The following SLC1A2 variants were observed in gnomAD, a reference collection of about 807,000 sequenced individuals.
SLC1A2 encodes excitatory amino acid transporter 2.
A neutral mutation model predicts 48.8 loss-of-function variants in SLC1A2; 15 were observed. The ratio of observed to expected loss-of-function variants is 0.31; its 90% CI spans 0.21 to 0.47. The LOEUF is 0.47. Ranked by LOEUF, SLC1A2 falls within the 20% of genes least tolerant of loss-of-function variation. The pLI, the probability that SLC1A2 is intolerant of heterozygous loss-of-function variation, is 0.99. For missense variants in SLC1A2, 502 were observed against 730.5 expected, an observed-to-expected ratio of 0.69 and a Z score of 3.61; for synonymous variants, 279 against 272.6, an observed-to-expected ratio of 1.02 and a Z score of -0.23.
At chr11:35,283,028 A>G (rs1185443495) in intron 8 of SLC1A2, among the ~76,000 whole-genome samples, 1 of 145,684 alleles carries the variant, frequency 6.9e-6, no homozygotes, top group Non-Finnish European at 1.5e-5. Flanking sequence ...TAGACACACA[A>G]TATCAGAGCA....
chr11:35,292,103 C>T (rs1851028351), intron 7 of SLC1A2, 184 bp downstream of exon 7: 8 of 591,014 alleles, frequency 1.4e-5, no homozygotes, highest in South Asian at 2.3e-5. Flanking sequence ...AAATGTTCAC[C>T]AGAAGGCTCA....
At chr11:35,385,590 C>T (rs934767619) in intron 1 of SLC1A2, among the ~76,000 whole-genome samples, 26 of 152,190 alleles carry the variant, frequency 1.7e-4, no homozygotes, top group Non-Finnish European at 2.2e-4. Context: ...TCTCAGAATA[C>T]CAATTCCACA....
At chr11:35,318,959 C>G (rs1049601665) in intron 1 of SLC1A2, among the ~76,000 whole-genome samples, 5 of 152,124 alleles carry the variant, frequency 3.3e-5, no homozygotes, top group African/African-American at 1.2e-4. Context: ...ACTTGCTACC[C>G]AAATGTTTTA....
At chr11:35,380,941 T>C (rs955261638) in intron 1 of SLC1A2, among the ~76,000 whole-genome samples, 1 of 152,108 alleles carries the variant, frequency 6.6e-6, no homozygotes, top group Non-Finnish European at 1.5e-5. Context: ...CTGACAAAAT[T>C]ACACGTAGTG....
chr11:35,353,294 G>A lies in SLC1A2; in HGVS notation c.18-35778C>T, dbSNP rs370119601. Among the ~76,000 whole-genome samples, 178 of 152,160 alleles carry A rather than the reference G, an allele frequency of 1.2e-3. 1 individual carries two copies. Among genetic ancestry groups the A allele is most frequent in the African/African-American group, 4.1e-3 (169 of 41,502 alleles). On this transcript the variant is annotated intron_variant, in intron 1 of 10. Transcript: ENST00000278379. ...TCTTAAGGTTTCCACTCCCCTAACC[G>A]TTCATACAAATGCACAGAAGCAATG... is the stretch of plus-strand genomic sequence containing the variant.
chr11:35,315,071 T>A lies in SLC1A2; in HGVS notation c.262A>T (p.Met88Leu). 6.2e-7 allele frequency: 1 copy of A among 1,613,192 alleles called. No homozygotes were observed. Among genetic ancestry groups the A allele is most frequent in the South Asian group, 1.1e-5 (1 of 91,062 alleles). Residue 88 changes from methionine (M) to leucine (L), a missense_variant, in exon 3 of 11, where the codon ATG (methionine) becomes TTG (leucine). Coordinates refer to ENST00000278379, the MANE Select transcript of SLC1A2 (RefSeq NM_004171.4). ...AGAGGGAGAATGAGCATTTTTAGCA[T>A]CCTCATGAGTATATCCCCTGGGAAG... ...IAFPGDILMR[M>L]LKMLILPLII...
At chr11:35,273,595 G>A (rs114610205) in intron 9 of SLC1A2, among the ~76,000 whole-genome samples, 256 of 152,284 alleles carry the variant, frequency 1.7e-3, no homozygotes, top group African/African-American at 5.8e-3. Context: ...TTTAGTCCAG[G>A]TGAAAAGGGG....
At chr11:35,342,520 TTTTG>T (rs1367321165) in intron 1 of SLC1A2, among the ~76,000 whole-genome samples, 68 of 94,440 alleles carry the variant, frequency 7.2e-4, no homozygotes, top group African/African-American at 2.0e-3. Flanking sequence ...TGAGTGTTTT[TTTTG>T]TTGTTGTTGT....
At chr11:35,339,244 A>G (rs1852747611) in intron 1 of SLC1A2, among the ~76,000 whole-genome samples, 1 of 152,240 alleles carries the variant, frequency 6.6e-6, no homozygotes, top group South Asian at 2.1e-4. Context: ...AGCAAGAAAC[A>G]TGGAATCAGG....
At chr11:35,339,341 T>C (rs970954840) in intron 1 of SLC1A2, among the ~76,000 whole-genome samples, 6 of 152,136 alleles carry the variant, frequency 3.9e-5, no homozygotes, top group African/African-American at 1.4e-4. Flanking sequence ...AAGAAGAGAT[T>C]TCATAAAATC....
intron 1 of SLC1A2, among the ~76,000 whole-genome samples, chr11:35,396,024 G>T (rs1447441005): frequency 6.8e-6 from 1 of 147,100 alleles, no homozygotes; most frequent in Non-Finnish European, 1.5e-5. Flanking sequence ...TTTTATGGCT[G>T]CATAGTATTC....
chr11:35,265,111 T>C (rs1043550807), intron 10 of SLC1A2: 30 of 176,510 alleles, frequency 1.7e-4, no homozygotes, highest in Non-Finnish European at 3.5e-4. Context: ...ACCTGGCTAA[T>C]TTTTTGTATT....
intron 1 of SLC1A2, among the ~76,000 whole-genome samples, chr11:35,393,050 A>ACCTGAAGC (rs1399835475): frequency 6.6e-6 from 1 of 152,142 alleles, no homozygotes; most frequent in Non-Finnish European, 1.5e-5. Flanking sequence ...TCTATGAGGA[A>ACCTGAAGC]CCTGAAGCTC....
intron 4 of SLC1A2, among the ~76,000 whole-genome samples, chr11:35,311,944 G>A (rs1851720947): frequency 1.4e-5 from 1 of 71,336 alleles, no homozygotes; most frequent in Non-Finnish European, 2.9e-5. Flanking sequence ...GGGTGGGGGA[G>A]AAAGGAGGAC....
rs1852839053 is a variant in SLC1A2 at position 35,341,458 on chromosome 11, G to A, written c.18-23942C>T. Among the ~76,000 whole-genome samples, 3 of 152,142 alleles carry A rather than the reference G, an allele frequency of 2.0e-5. 1 individual carries two copies. In the South Asian group the frequency reaches 6.2e-4, roughly 31 times the overall value. ...TTAAAAACCTAATAAGGTGTGTGAT[G>A]TTCCGCTTCCTAAAGTATAATTTAA... On this transcript the variant is annotated intron_variant, in intron 1 of 10. Transcript: ENST00000278379.
At chr11:35,323,854 T>C (rs1852154473) in intron 1 of SLC1A2, among the ~76,000 whole-genome samples, 1 of 152,228 alleles carries the variant, frequency 6.6e-6, no homozygotes, top group South Asian at 2.1e-4. Context: ...TGAAATTCAG[T>C]ACACAATTCA....
At chr11:35,320,247 C>T (rs981546758) in intron 1 of SLC1A2, among the ~76,000 whole-genome samples, 1 of 152,294 alleles carries the variant, frequency 6.6e-6, no homozygotes, top group Non-Finnish European at 1.5e-5. Context: ...GTGACAATAA[C>T]AGGCATAACT....
intron 1 of SLC1A2, among the ~76,000 whole-genome samples, chr11:35,403,237 G>A (rs1321485823): frequency 6.6e-6 from 1 of 152,254 alleles, no homozygotes; most frequent in Non-Finnish European, 1.5e-5. Flanking sequence ...GAGTCTCAGA[G>A]AGGCTAATTA....
chr11:35,334,834 GTTTTGTTTTGT>G (rs1852565673), intron 1 of SLC1A2, among the ~76,000 whole-genome samples: 1 of 110,290 alleles, frequency 9.1e-6, no homozygotes, highest in South Asian at 2.4e-4. Flanking sequence ...GTTTTGTTTT[GTTTTGTTTTGT>G]TTTGTTTTGT....
Sources: allele counts gnomAD v4.1 joint callset (sites outside exome capture counted in the v4.1 genomes callset), GRCh38; gene constraint gnomAD v4.1.1; transcripts MANE v1.5; gene names NCBI Gene and HGNC (gene_info 2026-07-23, HGNC 2026-07-21).